The following NME7 variants were observed in gnomAD, a reference collection of about 807,000 sequenced individuals.
NME7 encodes nucleoside diphosphate kinase 7.
A neutral mutation model predicts 49.1 loss-of-function variants in NME7; 41 were observed. The observed-to-expected ratio is 0.83, with a 90% CI of 0.65 to 1.08. The LOEUF (loss-of-function observed/expected upper bound fraction) is 1.08. Among genes scored for constraint, NME7 ranks in the 50% least tolerant of loss-of-function variants. The pLI, the probability that NME7 is intolerant of heterozygous loss-of-function variation, is 0.00. For synonymous variants in NME7, 139 were observed against 150.6 expected (o/e 0.92, Z 0.56); for missense variants, 423 against 463.4 (o/e 0.91, Z 0.80).
At chr1:169,202,836 GTA>G (rs1333712736) in intron 10 of NME7, among the ~76,000 whole-genome samples, 2 of 152,172 alleles carry the variant, frequency 1.3e-5, no homozygotes, top group Non-Finnish European at 2.9e-5. Context: ...GTTTGGCTAA[GTA>G]TAAATATTCA....
chr1:169,359,717 A>C (rs1254418303), intron 1 of NME7, among the ~76,000 whole-genome samples: 1 of 152,066 alleles, frequency 6.6e-6, no homozygotes, highest in Non-Finnish European at 1.5e-5. Flanking sequence ...TATTGAAACT[A>C]TGGAAAACAA....
intron 7 of NME7, among the ~76,000 whole-genome samples, chr1:169,277,940 T>G (rs1424790238): frequency 6.8e-6 from 1 of 146,142 alleles, no homozygotes; most frequent in African/African-American, 2.5e-5. Context: ...TCTCCTTCGC[T>G]TATGAAGCTT....
At chr1:169,150,317 C>T (rs1159962931) in intron 11 of NME7, among the ~76,000 whole-genome samples, 1 of 152,120 alleles carries the variant, frequency 6.6e-6, no homozygotes, top group Non-Finnish European at 1.5e-5. Context: ...GCAAGCTAGT[C>T]TATCTGTATA....
At chr1:169,204,579 AG>A (rs1336056167) in intron 10 of NME7, among the ~76,000 whole-genome samples, 2 of 152,142 alleles carry the variant, frequency 1.3e-5, no homozygotes, top group Non-Finnish European at 2.9e-5. Context: ...AGTATTCCAC[AG>A]GGTTCACCTT....
chr1:169,338,961 C>G (rs529807692), intron 1 of NME7, among the ~76,000 whole-genome samples: 74 of 152,184 alleles, frequency 4.9e-4, no homozygotes, highest in African/African-American at 1.7e-3. Flanking sequence ...TTATACAATA[C>G]AAATTGTCTC....
chr1:169,279,000 A>G (rs1010473870), intron 7 of NME7, among the ~76,000 whole-genome samples: 3 of 152,048 alleles, frequency 2.0e-5, no homozygotes, highest in African/African-American at 7.2e-5. Flanking sequence ...AGAACAGTGG[A>G]TTTTCATGAA....
chr1:169,172,488 T>C (rs972878318), intron 10 of NME7, among the ~76,000 whole-genome samples: 13 of 152,240 alleles, frequency 8.5e-5, no homozygotes, highest in Admixed American at 3.9e-4. Flanking sequence ...TGGGCACATA[T>C]GGTCTTCTGC....
intron 7 of NME7, among the ~76,000 whole-genome samples, chr1:169,251,518 T>C (rs1479710771): frequency 1.3e-5 from 2 of 151,776 alleles, no homozygotes; most frequent in East Asian, 3.9e-4. Flanking sequence ...CCAGTTATCC[T>C]GTTACTTGTT....
intron 1 of NME7, among the ~76,000 whole-genome samples, chr1:169,338,540 G>A (rs928540026): frequency 2.6e-5 from 4 of 152,174 alleles, no homozygotes; most frequent in Non-Finnish European, 5.9e-5. Flanking sequence ...GGGAGAAACA[G>A]CTTTTTAAAC....
chr1:169,291,548 T>C (rs1051883704), intron 6 of NME7, among the ~76,000 whole-genome samples: 4 of 151,922 alleles, frequency 2.6e-5, no homozygotes, highest in South Asian at 2.1e-4. Flanking sequence ...AAATACCTAA[T>C]GTAGATGATG....
intron 7 of NME7, 97 bp from the exon 8 acceptor site, chr1:169,237,784 A>G (rs1647921820): frequency 1.3e-6 from 1 of 796,748 alleles, no homozygotes; most frequent in South Asian, 1.7e-5. Context: ...CTTTTTGTTT[A>G]TACTCTATAT....
intron 1 of NME7, among the ~76,000 whole-genome samples, chr1:169,327,886 T>TA (rs1187361475): frequency 6.6e-6 from 1 of 152,192 alleles, no homozygotes; most frequent in Non-Finnish European, 1.5e-5. Context: ...AGATATACTT[T>TA]AAAAAATCCA....
chr1:169,238,477 GCACACACACACACACA>G (rs138287537), intron 7 of NME7, among the ~76,000 whole-genome samples: 15 of 124,066 alleles, frequency 1.2e-4, no homozygotes, highest in African/African-American at 5.8e-5. Context: ...ATGCACAAAG[GCACACACACACACACA>G]CACACACACA....
In NME7 at chr1:169,249,968, T is replaced by G. The variant is rs114253574; in HGVS notation, c.755-12281A>C. Among the ~76,000 whole-genome samples, 303 of 152,194 alleles carry G rather than the reference T, an allele frequency of 2.0e-3. 4 individuals carry two copies. Among genetic ancestry groups the G allele is most frequent in the African/African-American group, 7.1e-3 (294 of 41,566 alleles). On this transcript the variant is annotated intron_variant, in intron 7 of 11. Transcript: ENST00000367811. ...CTTATGTCTTTTCCTGGTTGTGGTA[T>G]CAGAATGATACTGGCTTCATAGAAT...
chr1:169,167,120 A>C (rs12410548), intron 11 of NME7, among the ~76,000 whole-genome samples: 12,588 of 152,278 alleles, frequency 0.083, 706 homozygotes, highest in Admixed American at 0.19. Flanking sequence ...GAAACAGGCA[A>C]GGATGTATAT....
At chr1:169,162,429 A>G (rs1408718724) in intron 11 of NME7, among the ~76,000 whole-genome samples, 1 of 151,928 alleles carries the variant, frequency 6.6e-6, no homozygotes, top group African/African-American at 2.4e-5. Flanking sequence ...CTATGTTTTC[A>G]TCATCCTATA....
intron 1 of NME7, among the ~76,000 whole-genome samples, chr1:169,332,705 T>A (rs1251182483): frequency 6.6e-6 from 1 of 151,858 alleles, no homozygotes; most frequent in Non-Finnish European, 1.5e-5. Context: ...AAATGGAAAA[T>A]AAGCATATGA....
At chr1:169,239,076 C>T (rs1647978588) in intron 7 of NME7, among the ~76,000 whole-genome samples, 1 of 151,594 alleles carries the variant, frequency 6.6e-6, no homozygotes, top group Admixed American at 6.6e-5. Context: ...AGAAACACTG[C>T]CAAAAGAAAT....
intron 10 of NME7, among the ~76,000 whole-genome samples, chr1:169,223,990 A>G (rs1661225421): frequency 6.6e-6 from 1 of 152,010 alleles, no homozygotes; most frequent in Non-Finnish European, 1.5e-5. Flanking sequence ...TCTGGCTCCT[A>G]TTGTCTTTAA....
Sources: gnomAD v4.1 joint callset for allele counts (sites outside exome capture counted in the v4.1 genomes callset) on GRCh38, gnomAD v4.1.1 for gene constraint, MANE v1.5 for transcripts, NCBI Gene and HGNC (gene_info 2026-07-23, HGNC 2026-07-21) for gene names.